Variants in SAMD3 observed in about 807,000 individuals in gnomAD.
The protein encoded by SAMD3 is sterile alpha motif domain containing 3.
A neutral mutation model predicts 58.5 loss-of-function variants in SAMD3; 63 were observed. The ratio of observed to expected loss-of-function variants is 1.08; its 90% CI spans 0.88 to 1.33. The LOEUF is 1.33. SAMD3 is among the 40% of genes most tolerant of loss of function. The pLI is 0.00. For synonymous variants in SAMD3, 220 were observed against 210.3 expected (o/e 1.05, Z -0.40); for missense variants, 604 against 608.4 (o/e 0.99, Z 0.08).
intron 2 of SAMD3, among the ~76,000 whole-genome samples, chr6:130,304,174 G>C (rs1217692146): frequency 1.3e-5 from 2 of 152,042 alleles, no homozygotes; most frequent in East Asian, 1.9e-4. Flanking sequence ...CAACATTGTT[G>C]AACAGTCCTA....
chr6:130,289,555 A>G (rs1448969696), intron 2 of SAMD3, among the ~76,000 whole-genome samples: 1 of 152,210 alleles, frequency 6.6e-6, no homozygotes, highest in African/African-American at 2.4e-5. Context: ...GTTAGAGTGC[A>G]GTGGCACGAT....
At chr6:130,156,146 C>T (rs2114592936) in intron 8 of SAMD3, among the ~76,000 whole-genome samples, 1 of 152,128 alleles carries the variant, frequency 6.6e-6, no homozygotes. Flanking sequence ...CAAGACCAGC[C>T]TAGCCAACAT....
intron 9 of SAMD3, among the ~76,000 whole-genome samples, chr6:130,153,435 G>T (rs1789401672): frequency 6.6e-6 from 1 of 151,768 alleles, no homozygotes; most frequent in South Asian, 2.1e-4. Context: ...ATTTCCCTTT[G>T]CTCAGAAGAA....
At chr6:130,191,610 C>T (rs1393119164) in intron 5 of SAMD3, among the ~76,000 whole-genome samples, 1 of 146,132 alleles carries the variant, frequency 6.8e-6, no homozygotes, top group Non-Finnish European at 1.5e-5. Context: ...GAGTTTAAAA[C>T]TGTTGCTTCC....
chr6:130,293,802 A>G (rs879251448), intron 2 of SAMD3, among the ~76,000 whole-genome samples: 1 of 151,894 alleles, frequency 6.6e-6, no homozygotes, highest in East Asian at 1.9e-4. Flanking sequence ...TTAGTGCTCC[A>G]TACTACCAAA....
At chr6:130,363,692 T>G (rs1778050703) in intron 1 of SAMD3, among the ~76,000 whole-genome samples, 1 of 152,186 alleles carries the variant, frequency 6.6e-6, no homozygotes, top group Non-Finnish European at 1.5e-5. Context: ...CCTCTGTTAG[T>G]AGGTGGTGGA....
At chr6:130,360,972 T>A (rs1206607741) in intron 1 of SAMD3, among the ~76,000 whole-genome samples, 1 of 152,202 alleles carries the variant, frequency 6.6e-6, no homozygotes, top group Non-Finnish European at 1.5e-5. Context: ...AGGTTATCTC[T>A]CTTATTCCCT....
At chr6:130,253,525 T>A (rs1773817084) in intron 2 of SAMD3, among the ~76,000 whole-genome samples, 1 of 152,206 alleles carries the variant, frequency 6.6e-6, no homozygotes, top group Admixed American at 6.5e-5. Context: ...CTTGTCTTAT[T>A]TGCAGAAGTC....
chr6:130,324,799 G>A (rs1583107523), intron 1 of SAMD3, among the ~76,000 whole-genome samples: 1 of 150,252 alleles, frequency 6.7e-6, no homozygotes, highest in Non-Finnish European at 1.5e-5. Context: ...ATAGAAAAAT[G>A]TTAACTCATT....
intron 7 of SAMD3, chr6:130,183,336 CAA>C (rs55660451): frequency 0.021 from 7,832 of 379,626 alleles, no homozygotes; most frequent in South Asian, 0.029. Context: ...GACTCCGTCT[CAA>C]AAAAAAAAAA....
intron 5 of SAMD3, among the ~76,000 whole-genome samples, chr6:130,186,677 C>T (rs1327244427): frequency 6.6e-6 from 1 of 152,004 alleles, no homozygotes; most frequent in Non-Finnish European, 1.5e-5. Flanking sequence ...TTCTTTCTCC[C>T]ATGGCCAAAT....
chr6:130,236,365 A>G (rs1773146626), intron 2 of SAMD3, among the ~76,000 whole-genome samples: 1 of 150,238 alleles, frequency 6.7e-6, no homozygotes, highest in Non-Finnish European at 1.5e-5. Flanking sequence ...AGTTAAGAAG[A>G]AAGCAAGAAA....
chr6:130,200,221 A>G (rs1007443878), intron 5 of SAMD3, among the ~76,000 whole-genome samples: 1 of 152,068 alleles, frequency 6.6e-6, no homozygotes, highest in African/African-American at 2.4e-5. Context: ...CACGTCAACA[A>G]GTCTCACAGA....
At position 130,273,194 on chromosome 6, in the gene SAMD3, T is replaced by C. The variant is rs73609990; in HGVS notation, c.-188+39784A>G. Among the ~76,000 whole-genome samples, 1,245 of 152,244 alleles carry C rather than the reference T, an allele frequency of 8.2e-3. 18 individuals carry two copies. Among genetic ancestry groups the C allele is most frequent in the African/African-American group, 0.029 (1,189 of 41,564 alleles). ...TGCTTTATATATTTACAAATGATGG[T>C]AGGTGCACACATATTTATTATTGTT... On this transcript the variant is annotated intron_variant, in intron 2 of 13. Coordinates refer to the SAMD3 transcript ENST00000368134.
chr6:130,214,533 A>G lies in SAMD3; in HGVS notation c.80-7T>C, dbSNP rs765595165. The G allele has an allele frequency of 3.2e-6, 5 of 1,569,064 alleles. No individual in the cohort carries two copies. In the African/African-American group the frequency reaches 6.9e-5, roughly 22 times the overall value. ...GCCCCACTTACTTCTTCCTCTGGGA[A>G]AAAGAAAAAAAATTAGTTTCTACAT... is the stretch of plus-strand genomic sequence containing the variant. On this transcript the variant is annotated splice_polypyrimidine_tract_variant and splice_region_variant and intron_variant, in intron 3 of 11. Coordinates refer to ENST00000439090, the MANE Select transcript of SAMD3 (RefSeq NM_001017373.4).
intron 2 of SAMD3, among the ~76,000 whole-genome samples, chr6:130,241,308 C>T (rs539212259): frequency 1.1e-4 from 16 of 151,162 alleles, no homozygotes; most frequent in African/African-American, 3.6e-4. Context: ...CTCTGCCTCC[C>T]GGGTTCAAGT....
chr6:130,340,832 T>C (rs1381736589), intron 1 of SAMD3, among the ~76,000 whole-genome samples: 2 of 152,238 alleles, frequency 1.3e-5, no homozygotes, highest in Non-Finnish European at 2.9e-5. Context: ...ACCAGTCATC[T>C]GGTTTCCTTT....
chr6:130,287,870 G>A (rs538095904), intron 2 of SAMD3, among the ~76,000 whole-genome samples: 1 of 151,776 alleles, frequency 6.6e-6, no homozygotes, highest in South Asian at 2.1e-4. Context: ...GCTTGAACCC[G>A]GGAGGCGGAG....
intron 1 of SAMD3, among the ~76,000 whole-genome samples, chr6:130,322,933 A>C (rs1350824699): frequency 6.6e-6 from 1 of 152,136 alleles, no homozygotes; most frequent in Non-Finnish European, 1.5e-5. Context: ...TCAAGCCACT[A>C]GTTTGTTTTT....
Sources: gnomAD v4.1 joint callset for allele counts (sites outside exome capture counted in the v4.1 genomes callset) on GRCh38, gnomAD v4.1.1 for gene constraint, MANE v1.5 for transcripts, NCBI Gene and HGNC (gene_info 2026-07-23, HGNC 2026-07-21) for gene names.